DNER: variants seen among roughly 807,000 people sequenced by gnomAD.
DNER encodes delta/notch like EGF repeat containing, also known as delta and Notch-like epidermal growth factor-related receptor.
Under a neutral mutation model 78.2 loss-of-function variants are expected in DNER, and 33 were observed. The observed-to-expected ratio is 0.42, with a 90% CI of 0.32 to 0.56. The LOEUF is 0.56. Among genes scored for constraint, DNER ranks in the 20% least tolerant of loss-of-function variants. The pLI is 0.11. For missense variants in DNER, 918 were observed against 975.3 expected, an observed-to-expected ratio of 0.94 and a Z score of 0.78; for synonymous variants, 417 against 384.8, an observed-to-expected ratio of 1.08 and a Z score of -0.98.
intron 6 of DNER, among the ~76,000 whole-genome samples, chr2:229,511,332 A>G (rs1695860235): frequency 6.6e-6 from 1 of 152,244 alleles, no homozygotes; most frequent in African/African-American, 2.4e-5. Flanking sequence ...AGATGCATCA[A>G]AATAGCTGTG....
At chr2:229,546,858 G>A in intron 5 of DNER, 89 bp downstream of exon 5, 1 of 1,536,020 alleles carries the variant, frequency 6.5e-7, no homozygotes, top group Non-Finnish European at 8.8e-7. Context: ...AAGGATGAAA[G>A]GGGTAAGAAC....
At chr2:229,667,282 A>C (rs1293564506) in intron 1 of DNER, among the ~76,000 whole-genome samples, 5 of 152,200 alleles carry the variant, frequency 3.3e-5, no homozygotes, top group African/African-American at 9.7e-5. Context: ...AATGGGTTGA[A>C]AGGATTGCAC....
intron 1 of DNER, among the ~76,000 whole-genome samples, chr2:229,608,689 C>T (rs1472494054): frequency 1.3e-5 from 2 of 152,112 alleles, no homozygotes; most frequent in African/African-American, 4.8e-5. Flanking sequence ...TACAACCCAA[C>T]TTGGAAGAAT....
chr2:229,420,513 G>T (rs1405379016), intron 8 of DNER, among the ~76,000 whole-genome samples: 1 of 152,072 alleles, frequency 6.6e-6, no homozygotes, highest in Non-Finnish European at 1.5e-5. Context: ...ATGTTATGAA[G>T]TTTTTCCCCT....
At chr2:229,520,088 A>G (rs1485029715) in intron 5 of DNER, among the ~76,000 whole-genome samples, 1 of 152,212 alleles carries the variant, frequency 6.6e-6, no homozygotes, top group Admixed American at 6.5e-5. Flanking sequence ...GAAGTCCTTG[A>G]TGTCTGAGAC....
chr2:229,620,591 TTC>T (rs1264645195), intron 1 of DNER, among the ~76,000 whole-genome samples: 1 of 152,238 alleles, frequency 6.6e-6, no homozygotes, highest in Non-Finnish European at 1.5e-5. Flanking sequence ...GACACAAACG[TTC>T]TCTTTTGCTT....
At chr2:229,564,246 A>G (rs1398680515) in intron 4 of DNER, among the ~76,000 whole-genome samples, 1 of 136,292 alleles carries the variant, frequency 7.3e-6, no homozygotes, top group Non-Finnish European at 1.6e-5. Flanking sequence ...CATCAACATC[A>G]TGACAGCATC....
intron 4 of DNER, among the ~76,000 whole-genome samples, chr2:229,568,086 G>C (rs183001404): frequency 3.1e-4 from 45 of 147,158 alleles, no homozygotes; most frequent in Non-Finnish European, 1.9e-4. Flanking sequence ...ATGAACTTTT[G>C]TTCCTATTCC....
intron 7 of DNER, among the ~76,000 whole-genome samples, chr2:229,472,913 C>T (rs773197265): frequency 6.6e-6 from 1 of 152,142 alleles, no homozygotes; most frequent in East Asian, 1.9e-4. Flanking sequence ...GAAGGGCAGA[C>T]GTGTCCTGAA....
At chr2:229,645,201 C>A in intron 1 of DNER, among the ~76,000 whole-genome samples, 1 of 152,060 alleles carries the variant, frequency 6.6e-6, no homozygotes, top group East Asian at 1.9e-4. Flanking sequence ...GAAATTGGGT[C>A]TTGCTATGTT....
chr2:229,658,856 T>C (rs1698957319), intron 1 of DNER, among the ~76,000 whole-genome samples: 1 of 152,190 alleles, frequency 6.6e-6, no homozygotes, highest in South Asian at 2.1e-4. Flanking sequence ...GCAGTTGAAA[T>C]TGTACAACAC....
chr2:229,684,145 TGAGAGA>T (rs67820927), intron 1 of DNER, among the ~76,000 whole-genome samples: 8,121 of 122,362 alleles, frequency 0.066, 442 homozygotes, highest in East Asian at 0.19. Flanking sequence ...TCTGTGTATG[TGAGAGA>T]GAGAGAGAGA....
chr2:229,607,337 T>C (rs1174717065), intron 1 of DNER, among the ~76,000 whole-genome samples: 2 of 152,246 alleles, frequency 1.3e-5, no homozygotes, highest in Non-Finnish European at 2.9e-5. Flanking sequence ...GTGCTCCCTA[T>C]GTTAATCCAT....
chr2:229,513,695 T>A (rs1255717926), intron 5 of DNER, among the ~76,000 whole-genome samples: 1 of 152,004 alleles, frequency 6.6e-6, no homozygotes, highest in Non-Finnish European at 1.5e-5. Context: ...CACAAAGCAA[T>A]ATAGATCATT....
Position 229,688,532 on chromosome 2 carries a change from C to T in DNER, c.276+25616G>A, listed in dbSNP as rs191900215. Among the ~76,000 whole-genome samples the T allele has an allele frequency of 2.3e-3, 355 of 152,226 alleles. 1 individual carries two copies. The highest frequency in any genetic ancestry group is 3.3e-3 in the Non-Finnish European group (224 of 68,010). ...CACATCCGTAGTTTGTGGAAGATGC[C>T]GCTAGATAATGGGCTTGATTTTTTC... On this transcript the variant is annotated intron_variant, in intron 1 of 12. Transcript: ENST00000341772.
rs776762113 is a variant in DNER, at chr2:229,367,080, G to C, written c.1895C>G (p.Thr632Ser). The C allele has an allele frequency of 6.2e-7, 1 of 1,614,128 alleles. No homozygotes were observed. The highest frequency in any genetic ancestry group is 1.1e-5 in the South Asian group (1 of 91,066). The change falls in exon 12 of 13, where the codon ACC becomes AGC. Residue 632 changes from threonine (T) to serine (S), a missense_variant. Coordinates refer to ENST00000341772, the MANE Select transcript of DNER (RefSeq NM_139072.4). ...GTAGAGGGAGTGCCGTGGCATGTTG[G>C]TGAGGCTCTCCGCCATGTGCCCGGA... ...WKSGHMAESL[T>S]NMPRHSLYII... is the part of the protein sequence containing the mutation.
At chr2:229,649,130 A>G (rs1187800552) in intron 1 of DNER, among the ~76,000 whole-genome samples, 1 of 152,246 alleles carries the variant, frequency 6.6e-6, no homozygotes, top group Non-Finnish European at 1.5e-5. Flanking sequence ...CAACAGCAGC[A>G]GCTTCAAAAG....
chr2:229,536,187 T>TA (rs1696400176), intron 5 of DNER, among the ~76,000 whole-genome samples: 1 of 152,212 alleles, frequency 6.6e-6, no homozygotes, highest in Non-Finnish European at 1.5e-5. Context: ...GTTACATAGT[T>TA]AGAGGCTGAG....
chr2:229,601,405 C>T (rs896644014), intron 1 of DNER, among the ~76,000 whole-genome samples: 2 of 152,100 alleles, frequency 1.3e-5, no homozygotes, highest in Non-Finnish European at 1.5e-5. Flanking sequence ...GATTTTTTTC[C>T]CAAATCCAAA....
Sources: gnomAD v4.1 joint callset for allele counts (sites outside exome capture counted in the v4.1 genomes callset) on GRCh38, gnomAD v4.1.1 for gene constraint, MANE v1.5 for transcripts, NCBI Gene and HGNC (gene_info 2026-07-23, HGNC 2026-07-21) for gene names.